The following PCDHGA9 variants were observed in gnomAD, a reference collection of about 807,000 sequenced individuals.
The protein encoded by PCDHGA9 is protocadherin gamma-A9.
A neutral mutation model predicts 62.5 loss-of-function variants in PCDHGA9; 37 were observed. That is an observed-to-expected ratio of 0.59 (90% CI 0.46 to 0.78). The LOEUF (loss-of-function observed/expected upper bound fraction) is 0.78, where lower values mean the gene tolerates loss of function less well. Ranked by LOEUF, PCDHGA9 falls within the 30% of genes least tolerant of loss-of-function variation. The pLI is 0.00. For synonymous variants in PCDHGA9, 459 were observed against 484.6 expected, an observed-to-expected ratio of 0.95 and a Z score of 0.69; for missense variants, 1,138 against 1,166.2, an observed-to-expected ratio of 0.98 and a Z score of 0.35.
Position 141,485,261 on chromosome 5 carries a change from C to G in PCDHGA9, c.2425-9546C>G, listed in dbSNP as rs759268725. 1 of 1,614,076 alleles carries G rather than the reference C, an allele frequency of 6.2e-7. No homozygotes were observed. The highest frequency in any genetic ancestry group is 8.5e-7 in the Non-Finnish European group (1 of 1,179,904). On this transcript the variant is annotated intron_variant, in intron 1 of 3. Transcript: ENST00000573521. This position sits in a 1 kb window ranked among gnomAD's most constrained non-coding sequence, Gnocchi z 5.7. The stretch of plus-strand genomic sequence containing the variant: ...TTACCACCTGGGTTACGTTTGTGGG[C>G]AGATCCGCTACCCGGTCCCAGAGGA...
intron 1 of PCDHGA9, chr5:141,428,256 T>A: frequency 1.2e-6 from 1 of 863,822 alleles, no homozygotes; most frequent in Non-Finnish European, 1.9e-6. Flanking sequence ...CAGACTTCAG[T>A]GACAGTCCTG....
Position 141,477,833 on chromosome 5 carries a change from G to C in PCDHGA9, c.2425-16974G>C. Reference sequence around the variant, plus strand: ...CCCCCAGGTCCTATATCCTCGGCCAGGTGGGAGCTCGGTGGAGATGCTGCC... The same window carrying C: ...CCCCCAGGTCCTATATCCTCGGCCACGTGGGAGCTCGGTGGAGATGCTGCC... On this transcript the variant is annotated intron_variant, in intron 1 of 3. Transcript: ENST00000573521. This position sits in a 1 kb window ranked among gnomAD's most constrained non-coding sequence, Gnocchi z 4.9. The C allele has an allele frequency of 6.2e-7, 1 of 1,614,174 alleles. No individual in the cohort carries two copies.
At chr5:141,419,959 T>C (rs765017440) in intron 1 of PCDHGA9, 5 of 1,614,104 alleles carry the variant, frequency 3.1e-6, no homozygotes, top group Non-Finnish European at 3.4e-6. Flanking sequence ...CCTTGATTTC[T>C]GTGCTCTTTC....
chr5:141,444,589 C>A (rs1198742574), intron 1 of PCDHGA9, among the ~76,000 whole-genome samples: 1 of 152,068 alleles, frequency 6.6e-6, no homozygotes, highest in Non-Finnish European at 1.5e-5. Context: ...TTTCTACTTA[C>A]CTTATTTAAA....
rs147534370 is a variant in PCDHGA9 at position 141,511,170 on chromosome 5, G to A, written c.2796G>A (p.Lys932=). ...AGAAGTCGGGCAAGAAGGAGAAGAA[G>A]TAACATGGAGGCCAGGCCAAGAGCC... ...NKKKSGKKEK[K] The change falls in exon 4 of 4, where the codon AAG becomes AAA. Residue 932 remains lysine (K), a synonymous_variant. Coordinates refer to ENST00000573521, the MANE Select transcript of PCDHGA9 (RefSeq NM_018921.3). 1.9e-6 allele frequency: 3 copies of A among 1,613,988 alleles called. No homozygotes were observed. The highest frequency in any genetic ancestry group is 2.5e-6 in the Non-Finnish European group (3 of 1,179,990).
chr5:141,489,148 C>G lies in PCDHGA9; in HGVS notation c.2425-5659C>G. 1 of 895,318 alleles carries G rather than the reference C, an allele frequency of 1.1e-6. No individual in the cohort carries two copies. Among genetic ancestry groups the G allele is most frequent in the Non-Finnish European group, 1.7e-6 (1 of 589,254 alleles). The allele number at this position is 895,318 out of a possible 1,614,324, so 55.5% of individuals were successfully genotyped here. A position where few individuals can be genotyped will look rare whatever the true frequency, so the allele number is the denominator to read the frequency against. ...CAGTTTTTAAGAGGCTGGAAGGAGA[C>G]ATAAGAGACTTCAGCTGCTGCATTC... On this transcript the variant is annotated intron_variant, in intron 1 of 3. Transcript: ENST00000573521. This position sits in a 1 kb window ranked among gnomAD's most constrained non-coding sequence, Gnocchi z 4.5.
Position 141,477,966 on chromosome 5 carries a change from G to A in PCDHGA9, c.2425-16841G>A, listed in dbSNP as rs2099426792. 6.2e-7 allele frequency: 1 copy of A among 1,614,118 alleles called. No individual in the cohort carries two copies. The highest frequency in any genetic ancestry group is 8.5e-7 in the Non-Finnish European group (1 of 1,180,036). ...AGTCTCTTGGGATCCCCTAACCAGAGCCTTTTTGCCATAGGGCTGCACACT... is the reference window on the plus strand; with the variant it reads ...AGTCTCTTGGGATCCCCTAACCAGAACCTTTTTGCCATAGGGCTGCACACT... On this transcript the variant is annotated intron_variant, in intron 1 of 3. Transcript: ENST00000573521. This position sits in a 1 kb window ranked among gnomAD's most constrained non-coding sequence, Gnocchi z 4.9.
At chr5:141,498,964 G>A (rs1342764380) in intron 2 of PCDHGA9, among the ~76,000 whole-genome samples, 2 of 127,572 alleles carry the variant, frequency 1.6e-5, no homozygotes, top group Admixed American at 8.7e-5. Context: ...AGAGAGGGAG[G>A]GAGGGAGGGA....
At chr5:141,478,788 T>A (rs576491824) in intron 1 of PCDHGA9, 147 of 1,473,736 alleles carry the variant, frequency 1.0e-4, no homozygotes, top group Non-Finnish European at 1.3e-4. Context: ...CTAATTCACA[T>A]CCTCAGCACT....
Position 141,511,400 on chromosome 5 carries a change from T to C in PCDHGA9, c.*227T>C. The C allele has an allele frequency of 2.0e-6, 2 of 982,250 alleles. No individual in the cohort carries two copies. Among genetic ancestry groups the C allele is most frequent in the Non-Finnish European group, 2.9e-6 (2 of 688,054 alleles). The allele number at this position is 982,250 out of a possible 1,614,324, so 60.8% of individuals were successfully genotyped here. On this transcript the variant is annotated 3_prime_UTR_variant, in exon 4 of 4. Coordinates refer to ENST00000573521, the MANE Select transcript of PCDHGA9 (RefSeq NM_018921.3). ...AGTTCCGCTGGGAACCCCCATCCAA[T>C]CAACTGCTGTACCCATGGGGGTAGT...
intron 1 of PCDHGA9, among the ~76,000 whole-genome samples, chr5:141,437,886 C>A (rs763669578): frequency 6.6e-6 from 1 of 152,022 alleles, no homozygotes; most frequent in Non-Finnish European, 1.5e-5. Flanking sequence ...TACAGGCACA[C>A]GCCACCACAC....
At chr5:141,408,588 A>G in intron 1 of PCDHGA9, 1 of 1,614,042 alleles carries the variant, frequency 6.2e-7, no homozygotes, top group Non-Finnish European at 8.5e-7. Context: ...GTTAATGACC[A>G]CGCCCCTCAA....
At chr5:141,436,676 G>T (rs1019010328) in intron 1 of PCDHGA9, among the ~76,000 whole-genome samples, 1 of 152,238 alleles carries the variant, frequency 6.6e-6, no homozygotes, top group African/African-American at 2.4e-5. Flanking sequence ...ACCAAAAAAA[G>T]GATTTATATT....
At chr5:141,455,920 C>A (rs941360102) in intron 1 of PCDHGA9, among the ~76,000 whole-genome samples, 1 of 147,944 alleles carries the variant, frequency 6.8e-6, no homozygotes, top group Non-Finnish European at 1.5e-5. Flanking sequence ...TATTTTGAGA[C>A]GGAGTCTCGC....
chr5:141,422,961 G>A, intron 1 of PCDHGA9: 1 of 1,614,234 alleles, frequency 6.2e-7, no homozygotes, highest in Non-Finnish European at 8.5e-7. Flanking sequence ...GCGTGGAGCT[G>A]GCGCCCCGCT....
rs1464961193 is a variant in PCDHGA9 at position 141,432,346 on chromosome 5, A to G, written c.2424+26970A>G. The G allele has an allele frequency of 6.2e-7, 1 of 1,614,192 alleles. No homozygotes were observed. Among genetic ancestry groups the G allele is most frequent in the African/African-American group, 1.3e-5 (1 of 75,054 alleles). On this transcript the variant is annotated intron_variant, in intron 1 of 3. Coordinates refer to ENST00000573521, the MANE Select transcript of PCDHGA9 (RefSeq NM_018921.3). This position sits in a 1 kb window ranked among gnomAD's most constrained non-coding sequence, Gnocchi z 6.0. ...ACTACGAGCAGTTCCGAGACTTGCA[A>G]GTGAAAGTGATGGCGCGGGACAACG...
Position 141,409,613 on chromosome 5 carries a change from A to T in PCDHGA9, c.2424+4237A>T, listed in dbSNP as rs370495173. 6.6e-5 allele frequency: 107 copies of T among 1,613,738 alleles called. 1 individual carries two copies. The South Asian group carries it at 1.1e-3, about 17-fold the overall frequency. ...CGAGAACAACCCGCCAGGAGCCTCC[A>T]TTGCGCAAGTGAGCGCCTCTGACCC... On this transcript the variant is annotated intron_variant, in intron 1 of 3. Transcript: ENST00000573521.
At chr5:141,463,493 G>C (rs2099061978) in intron 1 of PCDHGA9, among the ~76,000 whole-genome samples, 1 of 128,844 alleles carries the variant, frequency 7.8e-6, no homozygotes, top group Admixed American at 9.6e-5. Flanking sequence ...CTGTCACCCA[G>C]GCTGGAGTGA....
At chr5:141,483,706 C>T (rs1187078630) in intron 1 of PCDHGA9, among the ~76,000 whole-genome samples, 1 of 151,926 alleles carries the variant, frequency 6.6e-6, no homozygotes, top group African/African-American at 2.4e-5. Context: ...CTTTTTGACA[C>T]CAGAATATTG....
Sources: allele counts gnomAD v4.1 joint callset (sites outside exome capture counted in the v4.1 genomes callset), GRCh38; gene constraint gnomAD v4.1.1; non-coding constraint Gnocchi (gnomAD v3.1); transcripts MANE v1.5; gene names NCBI Gene and HGNC (gene_info 2026-07-23, HGNC 2026-07-21).